Variants in USP28 observed in about 807,000 individuals in gnomAD.
USP28 encodes ubiquitin carboxyl-terminal hydrolase 28.
A neutral mutation model predicts 145.0 loss-of-function variants in USP28; 113 were observed. The ratio of observed to expected loss-of-function variants is 0.78; its 90% CI spans 0.67 to 0.91. The LOEUF is 0.91. Among genes scored for constraint, USP28 ranks in the 40% least tolerant of loss-of-function variants. USP28 has a pLI of 0.00. For synonymous variants in USP28, 447 were observed against 450.9 expected (o/e 0.99, Z 0.11); for missense variants, 1,201 against 1,289.6 (o/e 0.93, Z 1.05).
rs1565350838 is a variant in USP28 at position 113,812,507 on chromosome 11, G to GT, written c.1744-4dup. On this transcript the variant is annotated splice_region_variant and splice_polypyrimidine_tract_variant and intron_variant, in intron 15 of 24. Coordinates refer to ENST00000003302, the Ensembl canonical transcript of USP28. ...ACTGCATGCAAGCGATAAGGCACCT[G>GT]TAAGTCAGAATGTACATTCCCCAGT... The GT allele has an allele frequency of 6.2e-7, 1 of 1,613,362 alleles. No individual in the cohort carries two copies. The highest frequency in any genetic ancestry group is 1.1e-5 in the South Asian group (1 of 90,998).
chr11:113,857,251 G>A (rs1272300584), intron 1 of USP28, among the ~76,000 whole-genome samples: 2 of 152,052 alleles, frequency 1.3e-5, no homozygotes, highest in African/African-American at 2.4e-5. Flanking sequence ...CATATTTCTC[G>A]GCAACAAAAC....
intron 17 of USP28, 66 bp from the exon 18 acceptor site, chr11:113,808,503 A>T: frequency 6.4e-7 from 1 of 1,566,204 alleles, no homozygotes. Flanking sequence ...TCAGATAAAA[A>T]GCAAGCAGAA....
At chr11:113,838,218 G>A (rs1051299018) in intron 5 of USP28, among the ~76,000 whole-genome samples, 1 of 152,176 alleles carries the variant, frequency 6.6e-6, no homozygotes, top group African/African-American at 2.4e-5. Context: ...TGGTGGGGGG[G>A]CGGTGGTTGT....
In USP28 at chr11:113,848,465, ACCAGTGGT is replaced by A. The variant is rs371059670; in HGVS notation, c.268+4028_268+4035del. ...GCTGGGGACCCAAAGCCTTATGTAC[ACCAGTGGT>A]GAAGGGGTCAGGGTGTGGAGTAGAA... is the stretch of plus-strand genomic sequence containing the variant. On this transcript the variant is annotated intron_variant, in intron 3 of 24. Transcript: ENST00000003302. 3.2e-3 allele frequency among the ~76,000 whole-genome samples: 488 copies of A among 152,312 alleles called. 1 individual carries two copies. The highest frequency in any genetic ancestry group is 0.012 in the African/African-American group (479 of 41,584).
In USP28 at chr11:113,831,998, AAG is replaced by A; in HGVS notation, c.760-7_760-6del. The A allele has an allele frequency of 6.2e-7, 1 of 1,611,734 alleles. No individual in the cohort carries two copies. Among genetic ancestry groups the A allele is most frequent in the Non-Finnish European group, 8.5e-7 (1 of 1,179,568 alleles). On this transcript the variant is annotated splice_region_variant and splice_polypyrimidine_tract_variant and intron_variant, in intron 7 of 24. Transcript: ENST00000003302. ...TGTGAATTCACTCACATCTTGCTAT[AAG>A]AGAGGCACAAATTGCATAAAAGTTA... is the stretch of plus-strand genomic sequence containing the variant.
chr11:113,852,720 C>A (rs1184915085), intron 2 of USP28, 87 bp from the exon 3 acceptor site: 2 of 1,425,526 alleles, frequency 1.4e-6, no homozygotes, highest in African/African-American at 2.9e-5. Flanking sequence ...ACCCTGGTGA[C>A]ACACTGAGTA....
chr11:113,804,808 C>G, intron 20 of USP28, 57 bp from the exon 22 acceptor site: 2 of 1,611,448 alleles, frequency 1.2e-6, no homozygotes, highest in South Asian at 1.1e-5. Flanking sequence ...ACTTCCCCAA[C>G]AGAGGAGTCC....
chr11:113,858,754 CA>C lies in USP28; in HGVS notation c.58-4420del, dbSNP rs1281845758. On this transcript the variant is annotated intron_variant, in intron 1 of 24. Transcript: ENST00000003302. Reference sequence around the variant, plus strand: ...CCACCTGAGCAGCTGGGATTATAGGCACCCACCACCACGCCTAGCTAATTTT... The same window carrying C: ...CCACCTGAGCAGCTGGGATTATAGGCCCCACCACCACGCCTAGCTAATTTT... Among the ~76,000 whole-genome samples, 8 of 152,256 alleles carry C rather than the reference CA, an allele frequency of 5.3e-5. No individual in the cohort carries two copies. The South Asian group carries it at 6.2e-4, about 12-fold the overall frequency.
intron 1 of USP28, among the ~76,000 whole-genome samples, chr11:113,873,765 C>CAAT (rs10622873): frequency 1 from 152,158 of 152,328 alleles, 75,997 homozygotes; most frequent in Middle Eastern, 1. Context: ...GAACATCTAA[C>CAAT]AATATTTCCA....
chr11:113,869,361 G>A (rs1394578411), intron 1 of USP28, among the ~76,000 whole-genome samples: 4 of 152,194 alleles, frequency 2.6e-5, no homozygotes, highest in Non-Finnish European at 4.4e-5. Flanking sequence ...CCCGGAAGGC[G>A]GGGGTTACAG....
chr11:113,842,408 ACC>A (rs963694379), intron 3 of USP28, among the ~76,000 whole-genome samples: 7 of 151,964 alleles, frequency 4.6e-5, no homozygotes, highest in Non-Finnish European at 5.9e-5. Context: ...ACACGGTGAA[ACC>A]CCGTCTCTAC....
intron 5 of USP28, among the ~76,000 whole-genome samples, chr11:113,840,067 A>G (rs1219712510): frequency 6.6e-6 from 1 of 152,118 alleles, no homozygotes. Flanking sequence ...GTTAACACAC[A>G]CCCAAATTAT....
In USP28 at chr11:113,864,556, C is replaced by T. The variant is rs114656640; in HGVS notation, c.58-10221G>A. ...AGTCTGAGTCTGAAGTCCTGTGAAC[C>T]AAAAGAGCTGATGGTTGTCTAAGTT... On this transcript the variant is annotated intron_variant, in intron 1 of 24. Coordinates refer to ENST00000003302, the Ensembl canonical transcript of USP28. Among the ~76,000 whole-genome samples, 1,165 of 152,150 alleles carry T rather than the reference C, an allele frequency of 7.7e-3. 14 individuals are homozygous for T. The highest frequency in any genetic ancestry group is 0.027 in the African/African-American group (1,125 of 41,524).
At chr11:113,852,737 G>A (rs2136481233) in intron 2 of USP28, 104 bp from the exon 3 acceptor site, 3 of 1,300,218 alleles carry the variant, frequency 2.3e-6, no homozygotes, top group East Asian at 5.0e-5. Context: ...AGTACTTTCA[G>A]GCATAATTCT....
At chr11:113,858,996 G>A (rs1947359733) in intron 1 of USP28, among the ~76,000 whole-genome samples, 1 of 152,144 alleles carries the variant, frequency 6.6e-6, no homozygotes, top group Non-Finnish European at 1.5e-5. Context: ...TCATCCATAG[G>A]ACAGTGCTGA....
intron 13 of USP28, 27 bp from the exon 14 acceptor site, chr11:113,815,409 A>G: frequency 6.3e-7 from 1 of 1,598,728 alleles, no homozygotes; most frequent in Non-Finnish European, 8.5e-7. Flanking sequence ...TCATGCTCAT[A>G]TGATAATTTC....
At chr11:113,814,405 G>A (rs558225272) in intron 14 of USP28, among the ~76,000 whole-genome samples, 4 of 152,270 alleles carry the variant, frequency 2.6e-5, no homozygotes, top group African/African-American at 9.6e-5. Flanking sequence ...AGCAATATGG[G>A]CAATGAGGTC....
chr11:113,852,479 A>G (rs747058798), intron 3 of USP28, 22 bp downstream of exon 3: 42 of 1,612,260 alleles, frequency 2.6e-5, no homozygotes, highest in Admixed American at 5.0e-5. Flanking sequence ...CAAAGGACCA[A>G]GACAGGATAT....
chr11:113,864,435 T>C (rs1948066207), intron 1 of USP28, among the ~76,000 whole-genome samples: 1 of 152,104 alleles, frequency 6.6e-6, no homozygotes, highest in African/African-American at 2.4e-5. Flanking sequence ...AGTCTCAAGA[T>C]CTGCAGTTAG....
Sources: allele counts gnomAD v4.1 joint callset (sites outside exome capture counted in the v4.1 genomes callset), GRCh38; gene constraint gnomAD v4.1.1; transcripts MANE v1.5; gene names NCBI Gene and HGNC (gene_info 2026-07-23, HGNC 2026-07-21).